PIK3C2A: variants seen among roughly 807,000 people sequenced by gnomAD.
The protein encoded by PIK3C2A is phosphatidylinositol-4-phosphate 3-kinase catalytic subunit type 2 alpha, also known as phosphatidylinositol 4-phosphate 3-kinase C2 domain-containing subunit alpha.
A neutral mutation model predicts 204.5 loss-of-function variants in PIK3C2A; 97 were observed. That is an observed-to-expected ratio of 0.47 (90% CI 0.40 to 0.56). The LOEUF (loss-of-function observed/expected upper bound fraction) is 0.56. PIK3C2A is among the 20% of genes least tolerant of loss of function. The pLI is 0.00. For synonymous variants in PIK3C2A, 653 were observed against 664.4 expected (o/e 0.98, Z 0.26); for missense variants, 1,735 against 1,969.2 (o/e 0.88, Z 2.25).
At chr11:17,124,576 T>C (rs889947814) in intron 13 of PIK3C2A, among the ~76,000 whole-genome samples, 4 of 152,064 alleles carry the variant, frequency 2.6e-5, no homozygotes, top group African/African-American at 4.8e-5. Flanking sequence ...AACTCCAACC[T>C]GCCTTTACAG....
At chr11:17,163,016 G>T (rs56057627) in intron 2 of PIK3C2A, among the ~76,000 whole-genome samples, 248 of 152,158 alleles carry the variant, frequency 1.6e-3, no homozygotes, top group African/African-American at 5.4e-3. Context: ...AAACAAATAG[G>T]ACTTGTTTGG....
intron 27 of PIK3C2A, among the ~76,000 whole-genome samples, chr11:17,096,445 T>A (rs1452266095): frequency 6.6e-6 from 1 of 152,138 alleles, no homozygotes; most frequent in Non-Finnish European, 1.5e-5. Context: ...ATATATAAAC[T>A]TAAAGGTAGT....
intron 2 of PIK3C2A, among the ~76,000 whole-genome samples, chr11:17,162,386 A>G (rs146518734): frequency 6.6e-6 from 1 of 152,008 alleles, no homozygotes; most frequent in Non-Finnish European, 1.5e-5. Flanking sequence ...TATAGCATTT[A>G]TAACAGGTGC....
chr11:17,118,870 A>G (rs1380663200), intron 17 of PIK3C2A, 131 bp from the exon 18 acceptor site: 2 of 551,570 alleles, frequency 3.6e-6, no homozygotes, highest in Non-Finnish European at 3.2e-6. Context: ...TATAAAAATT[A>G]AATAGATGAA....
chr11:17,150,732 T>C, intron 3 of PIK3C2A, 77 bp from the exon 4 acceptor site: 2 of 992,576 alleles, frequency 2.0e-6, no homozygotes, highest in Non-Finnish European at 2.9e-6. Flanking sequence ...GCTTTACATG[T>C]TTACAGCCAC....
At chr11:17,134,270 G>A (rs1849798098) in intron 11 of PIK3C2A, among the ~76,000 whole-genome samples, 1 of 152,006 alleles carries the variant, frequency 6.6e-6, no homozygotes, top group African/African-American at 2.4e-5. Context: ...GCAGTGGCAT[G>A]ATATAGCTCA....
intron 2 of PIK3C2A, among the ~76,000 whole-genome samples, chr11:17,167,985 T>C (rs1287652782): frequency 6.7e-6 from 1 of 150,036 alleles, no homozygotes; most frequent in East Asian, 2.0e-4. Context: ...ATTTCTATAA[T>C]GGGGCTAAAA....
chr11:17,193,484 C>A (rs1852009917), intron 1 of PIK3C2A: 5 of 446,364 alleles, frequency 1.1e-5, no homozygotes, highest in Admixed American at 4.8e-5. Context: ...GCTTAGGGTG[C>A]AGACATGGCC....
intron 1 of PIK3C2A, among the ~76,000 whole-genome samples, chr11:17,189,164 A>G (rs1157977895): frequency 2.7e-5 from 4 of 147,228 alleles, no homozygotes; most frequent in Non-Finnish European, 5.9e-5. Context: ...CCAGTGGTAA[A>G]CTGAATCAAA....
intron 26 of PIK3C2A, among the ~76,000 whole-genome samples, chr11:17,097,651 C>T (rs1245952851): frequency 3.3e-5 from 5 of 152,182 alleles, no homozygotes; most frequent in African/African-American, 9.7e-5. Flanking sequence ...CGGTGGCTCA[C>T]GCCTGTAATC....
At chr11:17,126,839 T>C (rs1310128682) in intron 13 of PIK3C2A, among the ~76,000 whole-genome samples, 1 of 152,224 alleles carries the variant, frequency 6.6e-6, no homozygotes, top group African/African-American at 2.4e-5. Flanking sequence ...TCTTGAATTA[T>C]GAAAGAATAT....
intron 23 of PIK3C2A, among the ~76,000 whole-genome samples, chr11:17,104,664 G>A (rs1214317741): frequency 1.4e-5 from 2 of 147,708 alleles, no homozygotes; most frequent in Non-Finnish European, 3.0e-5. Context: ...GGCGGAGCTT[G>A]CAGTGAGCCG....
chr11:17,174,815 TC>T (rs1284598191), intron 1 of PIK3C2A, among the ~76,000 whole-genome samples: 4 of 151,648 alleles, frequency 2.6e-5, no homozygotes, highest in Non-Finnish European at 5.9e-5. Flanking sequence ...GGCAGAAGAA[TC>T]CCTTGAACCC....
At chr11:17,196,543 A>G (rs889934236) in intron 1 of PIK3C2A, among the ~76,000 whole-genome samples, 3 of 152,134 alleles carry the variant, frequency 2.0e-5, no homozygotes, top group Non-Finnish European at 2.9e-5. Flanking sequence ...AATGTGAGAG[A>G]GAATGATTTA....
rs371798912 is a variant in PIK3C2A, at chr11:17,114,080, A to AAAATAAAT, written c.3321+273_3321+280dup. Among the ~76,000 whole-genome samples, 695 of 143,368 alleles carry AAAATAAAT rather than the reference A, an allele frequency of 4.8e-3. 10 individuals are homozygous for AAAATAAAT. Among genetic ancestry groups the AAAATAAAT allele is most frequent in the Middle Eastern group, 0.021 (6 of 284 alleles). 94.1% of individuals were successfully genotyped at this position (143,368 alleles called of 152,430 possible). A position where few individuals can be genotyped will look rare whatever the true frequency, so the allele number is the denominator to read the frequency against. ...GGGCAAGAGTGAGACTTTGTCTCAA[A>AAAATAAAT]AAATAAATAAATAAATAAATAAATA... On this transcript the variant is annotated intron_variant, in intron 20 of 32. Coordinates refer to ENST00000691414, the MANE Select transcript of PIK3C2A (RefSeq NM_002645.4).
rs1330208937 is a variant in PIK3C2A at position 17,119,647 on chromosome 11, T to C, written c.2846+139A>G. 13 of 560,608 alleles carry C rather than the reference T, an allele frequency of 2.3e-5. No individual in the cohort carries two copies. In the South Asian group the frequency reaches 3.9e-4, roughly 17 times the overall value. 34.7% of individuals were successfully genotyped at this position (560,608 alleles called of 1,614,324 possible). A position where few individuals can be genotyped will look rare whatever the true frequency, so the allele number is the denominator to read the frequency against. On this transcript the variant is annotated intron_variant, in intron 16 of 32. Coordinates refer to ENST00000691414, the MANE Select transcript of PIK3C2A (RefSeq NM_002645.4). ...ATTGACAACTTCAATGCAGAAGATA[T>C]GTTTGTATAAATATACATTTACACA...
Position 17,104,723 on chromosome 11 carries a change from T to TA in PIK3C2A, c.3681+445_3681+446insT, listed in dbSNP as rs1565243070. ...CTGGGTGACAGAGTGAGACTCCATCTCAAAAAAAAAAAAAAAAAAAAAATT... is the reference window on the plus strand; with the variant it reads ...CTGGGTGACAGAGTGAGACTCCATCTACAAAAAAAAAAAAAAAAAAAAAATT... On this transcript the variant is annotated intron_variant, in intron 23 of 32. Coordinates refer to ENST00000691414, the MANE Select transcript of PIK3C2A (RefSeq NM_002645.4). Among the ~76,000 whole-genome samples the TA allele has an allele frequency of 5.8e-3, 282 of 48,382 alleles. 1 individual carries two copies. The highest frequency in any genetic ancestry group is 0.019 in the African/African-American group (237 of 12,612). The allele number at this position is 48,382 out of a possible 152,430, so 31.7% of individuals were successfully genotyped here.
At chr11:17,090,832 T>C (rs1274881174) in intron 32 of PIK3C2A, among the ~76,000 whole-genome samples, 1 of 151,968 alleles carries the variant, frequency 6.6e-6, no homozygotes, top group Non-Finnish European at 1.5e-5. Flanking sequence ...CTTGACCTCC[T>C]GGGCTCAAGC....
rs528686963 is a variant in PIK3C2A at position 17,123,599 on chromosome 11, T to C, written c.2400-786A>G. On this transcript the variant is annotated intron_variant, in intron 13 of 32. Transcript: ENST00000691414. ...TTATCTGTTTCCTAGACTAGGGGTC[T>C]GCCAACTTTTTCTATAAAGAGCCAG... 5.3e-5 allele frequency among the ~76,000 whole-genome samples: 8 copies of C among 152,156 alleles called. No individual in the cohort carries two copies. In the South Asian group the frequency reaches 1.5e-3, roughly 28 times the overall value.
Sources: gnomAD v4.1 joint callset for allele counts (sites outside exome capture counted in the v4.1 genomes callset) on GRCh38, gnomAD v4.1.1 for gene constraint, MANE v1.5 for transcripts, NCBI Gene and HGNC (gene_info 2026-07-23, HGNC 2026-07-21) for gene names.